Variants in RNF150 observed in about 807,000 individuals in gnomAD.
RNF150 encodes the protein ring finger protein 150.
A neutral mutation model predicts 39.3 loss-of-function variants in RNF150; 24 were observed. The observed-to-expected ratio is 0.61, with a 90% CI of 0.44 to 0.86. The LOEUF (loss-of-function observed/expected upper bound fraction) is 0.86. Ranked by LOEUF, RNF150 falls within the 40% of genes least tolerant of loss-of-function variation. RNF150 has a pLI of 0.00. For missense variants in RNF150, 502 were observed against 587.8 expected, an observed-to-expected ratio of 0.85 and a Z score of 1.51; for synonymous variants, 255 against 227.3, an observed-to-expected ratio of 1.12 and a Z score of -1.10.
intron 1 of RNF150, among the ~76,000 whole-genome samples, chr4:141,070,976 C>A (rs1434083040): frequency 7.7e-6 from 1 of 129,562 alleles, no homozygotes; most frequent in Admixed American, 8.4e-5. Context: ...AGACTTGGAA[C>A]CAACCCAAAT....
At chr4:141,096,660 C>A (rs1738796582) in intron 1 of RNF150, among the ~76,000 whole-genome samples, 1 of 152,132 alleles carries the variant, frequency 6.6e-6, no homozygotes, top group African/African-American at 2.4e-5. Context: ...CCTAATGATA[C>A]TTTAATATTT....
chr4:141,067,923 T>C (rs1189997887), intron 1 of RNF150, among the ~76,000 whole-genome samples: 1 of 151,808 alleles, frequency 6.6e-6, no homozygotes, highest in African/African-American at 2.4e-5. Flanking sequence ...TAAAATATCT[T>C]TTCTACCACT....
chr4:140,942,636 G>A (rs1224272297), intron 4 of RNF150, among the ~76,000 whole-genome samples: 2 of 152,288 alleles, frequency 1.3e-5, no homozygotes, highest in East Asian at 3.9e-4. Context: ...CTTGGGGCCA[G>A]AAGTGTTTTC....
chr4:141,114,614 A>G (rs182420186), intron 1 of RNF150, among the ~76,000 whole-genome samples: 51 of 152,312 alleles, frequency 3.3e-4, no homozygotes, highest in Admixed American at 2.6e-4. Context: ...AACTATCGTA[A>G]GAAATAGAAA....
chr4:141,105,418 T>A (rs1051504529), intron 1 of RNF150, among the ~76,000 whole-genome samples: 1 of 152,210 alleles, frequency 6.6e-6, no homozygotes, highest in Non-Finnish European at 1.5e-5. Flanking sequence ...GTAATATACA[T>A]CTTTACTGAA....
chr4:140,949,441 T>A, intron 2 of RNF150, 69 bp from the exon 3 acceptor site: 1 of 1,303,424 alleles, frequency 7.7e-7, no homozygotes, highest in Non-Finnish European at 1.1e-6. Context: ...TGATATCATT[T>A]AATACACCAG....
intron 1 of RNF150, among the ~76,000 whole-genome samples, chr4:141,176,142 C>T (rs188153792): frequency 6.6e-6 from 1 of 151,954 alleles, no homozygotes; most frequent in Non-Finnish European, 1.5e-5. Context: ...AAGTGATCCA[C>T]CTGCCTCAGT....
chr4:140,866,454 G>T lies in RNF150; in HGVS notation c.*1807C>A, dbSNP rs537212540. ...GCCTCTTTTCCCACACATAGAGAGT[G>T]GATTTCATTACAGGAAGCATTGGAC... is the stretch of plus-strand genomic sequence containing the variant. On this transcript the variant is annotated 3_prime_UTR_variant, in exon 7 of 7. Coordinates refer to ENST00000515673, the MANE Select transcript of RNF150 (RefSeq NM_020724.2). The T allele has an allele frequency of 3.3e-5, 5 of 152,226 alleles. No individual in the cohort carries two copies. The highest frequency in any genetic ancestry group is 1.2e-4 in the African/African-American group (5 of 41,526). 9.4% of individuals were successfully genotyped at this position (152,226 alleles called of 1,614,324 possible).
chr4:141,198,609 C>A (rs75168860), intron 1 of RNF150, among the ~76,000 whole-genome samples: 2,394 of 152,274 alleles, frequency 0.016, 65 homozygotes, highest in African/African-American at 0.054. Flanking sequence ...ATTAATGGTA[C>A]GTCCAGAGGA....
rs1329695155 is a variant in RNF150, at chr4:140,921,514, T to C, written c.987+4463A>G. On this transcript the variant is annotated intron_variant, in intron 5 of 6. Transcript: ENST00000515673. ...CAAAAAAAGTCCAGGACCAGATGGA[T>C]TCACAGCCGAATTCTACCAGAGGTA... Among the ~76,000 whole-genome samples the C allele has an allele frequency of 5.3e-5, 8 of 152,242 alleles. No homozygotes were observed. In the East Asian group the frequency reaches 1.5e-3, roughly 29 times the overall value.
At chr4:141,162,082 C>T (rs775672962) in intron 1 of RNF150, among the ~76,000 whole-genome samples, 2 of 152,180 alleles carry the variant, frequency 1.3e-5, no homozygotes, top group African/African-American at 2.4e-5. Context: ...GAGCCCTTGA[C>T]AGTTTGCACC....
Position 141,015,525 on chromosome 4 carries a change from A to G in RNF150, c.485-47652T>C, listed in dbSNP as rs111905618. ...TAATTTTTTTGCTATTGTAAATGGG[A>G]TTATTTTCTTAATTTCTTTTTCAGA... On this transcript the variant is annotated intron_variant, in intron 1 of 6. Coordinates refer to ENST00000515673, the MANE Select transcript of RNF150 (RefSeq NM_020724.2). 4.6e-3 allele frequency among the ~76,000 whole-genome samples: 707 copies of G among 152,054 alleles called. 5 individuals carry two copies. The highest frequency in any genetic ancestry group is 0.016 in the African/African-American group (682 of 41,486).
chr4:141,120,337 G>A (rs1408947034), intron 1 of RNF150, among the ~76,000 whole-genome samples: 3 of 152,142 alleles, frequency 2.0e-5, no homozygotes, highest in African/African-American at 7.2e-5. Flanking sequence ...ACTGATGATG[G>A]GAAAAGGTGA....
chr4:141,101,620 T>G (rs539469850), intron 1 of RNF150, among the ~76,000 whole-genome samples: 2 of 152,310 alleles, frequency 1.3e-5, no homozygotes, highest in African/African-American at 4.8e-5. Flanking sequence ...TATTATGTAC[T>G]GTACATAATT....
At chr4:141,040,691 G>A (rs1736323328) in intron 1 of RNF150, among the ~76,000 whole-genome samples, 1 of 152,102 alleles carries the variant, frequency 6.6e-6, no homozygotes, top group African/African-American at 2.4e-5. Context: ...ACACATAAGT[G>A]TTAAATAACA....
At position 141,138,879 on chromosome 4, in the gene RNF150, G is replaced by A. The variant is rs555523733; in HGVS notation, c.-6+73915C>T. Among the ~76,000 whole-genome samples, 4 of 152,312 alleles carry A rather than the reference G, an allele frequency of 2.6e-5. No individual in the cohort carries two copies. The East Asian group carries it at 7.7e-4, about 29-fold the overall frequency. Reference sequence around the variant, plus strand: ...GACAAGAAGAGTAGGAGGGAACAGAGTCTAAAAATTTTAATATCCAAAAAT... The same window carrying A: ...GACAAGAAGAGTAGGAGGGAACAGAATCTAAAAATTTTAATATCCAAAAAT... On this transcript the variant is annotated intron_variant, in intron 1 of 7. Coordinates refer to the RNF150 transcript ENST00000420921.
At chr4:141,115,215 G>A (rs1739512309) in intron 1 of RNF150, among the ~76,000 whole-genome samples, 1 of 152,222 alleles carries the variant, frequency 6.6e-6, no homozygotes, top group Non-Finnish European at 1.5e-5. Flanking sequence ...TCCGTTTGCA[G>A]ACTACATGAT....
intron 6 of RNF150, among the ~76,000 whole-genome samples, chr4:140,897,828 C>T (rs920811042): frequency 6.6e-6 from 1 of 152,098 alleles, no homozygotes; most frequent in Non-Finnish European, 1.5e-5. Context: ...GGTAGGTATT[C>T]TCTAAATTAC....
chr4:140,966,564 C>CTTTTAGTGAAATACTTTAGTGAAAAGTA (rs1271102235), intron 2 of RNF150, among the ~76,000 whole-genome samples: 5 of 151,958 alleles, frequency 3.3e-5, no homozygotes, highest in African/African-American at 1.2e-4. Context: ...AGTTACTTCA[C>CTTTTAGTGAAATACTTTAGTGAAAAGTA]CAAAAATATT....
Sources: allele counts gnomAD v4.1 joint callset (sites outside exome capture counted in the v4.1 genomes callset), GRCh38; gene constraint gnomAD v4.1.1; transcripts MANE v1.5; gene names NCBI Gene and HGNC (gene_info 2026-07-23, HGNC 2026-07-21).